The following EYS variants were observed in gnomAD, a reference collection of about 807,000 sequenced individuals.
EYS encodes protein eyes shut homolog.
In EYS, 250 loss-of-function variants were observed where a neutral mutation model predicts 282.1. That is an observed-to-expected ratio of 0.89 (90% confidence interval 0.80 to 0.98). The LOEUF (loss-of-function observed/expected upper bound fraction) is 0.98. Among genes scored for constraint, EYS ranks in the 50% least tolerant of loss-of-function variants. The pLI is 0.00. For synonymous variants in EYS, 1,355 were observed against 1,282.9 expected (o/e 1.06, Z -1.20); for missense variants, 4,016 against 3,709.0 (o/e 1.08, Z -2.15).
chr6:64,463,984 C>T (rs1007303199), intron 26 of EYS, among the ~76,000 whole-genome samples: 1 of 152,074 alleles, frequency 6.6e-6, no homozygotes, highest in Non-Finnish European at 1.5e-5. Flanking sequence ...GATAAGGTCA[C>T]AACAAAAAGA....
intron 24 of EYS, among the ~76,000 whole-genome samples, chr6:64,602,722 T>C (rs1485785939): frequency 2.0e-5 from 3 of 152,090 alleles, no homozygotes; most frequent in Non-Finnish European, 1.5e-5. Flanking sequence ...CTATCCCATT[T>C]AAACATGCAT....
chr6:64,688,908 C>A (rs1329492215), intron 22 of EYS, among the ~76,000 whole-genome samples: 1 of 151,760 alleles, frequency 6.6e-6, no homozygotes, highest in Non-Finnish European at 1.5e-5. Context: ...TGAAAACTGG[C>A]ACAAGACAGT....
intron 27 of EYS, among the ~76,000 whole-genome samples, chr6:64,436,589 A>G (rs903564997): frequency 6.6e-6 from 1 of 151,910 alleles, no homozygotes; most frequent in Non-Finnish European, 1.5e-5. Flanking sequence ...GTATTTTAGG[A>G]ATTTTCCTTA....
At chr6:63,769,520 A>T (rs2149660022) in intron 40 of EYS, among the ~76,000 whole-genome samples, 1 of 152,254 alleles carries the variant, frequency 6.6e-6, no homozygotes, top group South Asian at 2.1e-4. Context: ...TTGTCAGTAC[A>T]AGGAAAAATT....
rs1406087030 is a variant in EYS at position 63,762,505 on chromosome 6, G to T, written c.8027C>A (p.Thr2676Asn). The change falls in exon 41 of 43, where the codon ACC becomes AAC. Residue 2676 changes from threonine (T) to asparagine (N), a missense_variant. Coordinates refer to ENST00000503581, the MANE Select transcript of EYS (RefSeq NM_001142800.2). ...AGTGGTTCCTAGAGGACAGAAACAG[G>T]TGTATCCATGAGGTAATGAAATGCA... The part of the protein sequence containing the change: ...ATCISLPHGY[T>N]CFCPLGTTGI... 1 of 1,550,242 alleles carries T rather than the reference G, an allele frequency of 6.5e-7. No homozygotes were observed. Among genetic ancestry groups the T allele is most frequent in the East Asian group, 2.4e-5 (1 of 40,876 alleles).
At chr6:64,082,335 G>A (rs1038249192) in intron 31 of EYS, among the ~76,000 whole-genome samples, 6 of 151,996 alleles carry the variant, frequency 3.9e-5, no homozygotes, top group East Asian at 1.9e-4. Flanking sequence ...ATTCTTTTGC[G>A]ATATTTTGTG....
chr6:65,383,200 T>G (rs1310108249), intron 8 of EYS, among the ~76,000 whole-genome samples: 1 of 152,018 alleles, frequency 6.6e-6, no homozygotes, highest in Non-Finnish European at 1.5e-5. Flanking sequence ...TCATAAATAT[T>G]TTATAACTTT....
intron 31 of EYS, among the ~76,000 whole-genome samples, chr6:64,134,153 C>G (rs1189778334): frequency 6.6e-6 from 1 of 152,020 alleles, no homozygotes; most frequent in African/African-American, 2.4e-5. Flanking sequence ...CTTGGGCTTT[C>G]CAGTCCATGA....
chr6:64,225,334 G>A (rs904862004), intron 31 of EYS, among the ~76,000 whole-genome samples: 3 of 151,898 alleles, frequency 2.0e-5, no homozygotes, highest in Admixed American at 6.6e-5. Context: ...CCTGGAAACT[G>A]TGCCTATTCC....
intron 29 of EYS, among the ~76,000 whole-genome samples, chr6:64,357,569 T>C (rs922427895): frequency 7.9e-5 from 12 of 151,708 alleles, no homozygotes; most frequent in African/African-American, 2.9e-4. Flanking sequence ...TAAAGGGATG[T>C]GTGTGAACGA....
intron 12 of EYS, among the ~76,000 whole-genome samples, chr6:65,243,725 G>A (rs927525393): frequency 2.0e-5 from 3 of 151,782 alleles, no homozygotes; most frequent in East Asian, 1.9e-4. Context: ...TCAACATAGC[G>A]AGACCCCCAT....
At position 65,603,936 on chromosome 6, in the gene EYS, T is replaced by C. The variant is rs540668570; in HGVS notation, c.-333+35842A>G. 3.3e-5 allele frequency among the ~76,000 whole-genome samples: 5 copies of C among 152,138 alleles called. No individual in the cohort carries two copies. In the South Asian group the frequency reaches 8.3e-4, roughly 25 times the overall value. On this transcript the variant is annotated intron_variant, in intron 2 of 42. Coordinates refer to ENST00000503581, the MANE Select transcript of EYS (RefSeq NM_001142800.2). ...AAATTGTCATACAGAATGTTACCTG[T>C]AAACTTTATCTTTGTTCATGTTTTA...
At chr6:65,560,262 A>T (rs1435267868) in intron 2 of EYS, among the ~76,000 whole-genome samples, 1 of 145,280 alleles carries the variant, frequency 6.9e-6, no homozygotes, top group Non-Finnish European at 1.5e-5. Context: ...TATTATATAT[A>T]ATATATAACA....
At chr6:64,332,963 C>T (rs2150391567) in intron 29 of EYS, among the ~76,000 whole-genome samples, 1 of 152,198 alleles carries the variant, frequency 6.6e-6, no homozygotes. Context: ...ATACTAAAGC[C>T]ATTTATACTT....
chr6:64,418,526 T>A (rs189086546), intron 28 of EYS, among the ~76,000 whole-genome samples: 2 of 152,260 alleles, frequency 1.3e-5, no homozygotes, highest in East Asian at 3.9e-4. Flanking sequence ...TGTGATCAGA[T>A]CACATTAATA....
intron 26 of EYS, among the ~76,000 whole-genome samples, chr6:64,541,773 A>T (rs950956654): frequency 1.3e-5 from 2 of 152,186 alleles, no homozygotes; most frequent in Admixed American, 6.6e-5. Context: ...ATGGGGATTA[A>T]AAATGCCTGC....
chr6:64,981,411 G>C (rs1207455790), intron 14 of EYS, among the ~76,000 whole-genome samples: 1 of 151,110 alleles, frequency 6.6e-6, no homozygotes, highest in Non-Finnish European at 1.5e-5. Flanking sequence ...CCTTCTTTCT[G>C]AACAAATTCA....
chr6:64,310,807 G>C (rs1769664931), intron 29 of EYS, among the ~76,000 whole-genome samples: 1 of 151,970 alleles, frequency 6.6e-6, no homozygotes, highest in Non-Finnish European at 1.5e-5. Context: ...GAGCATATGA[G>C]TGAACAAAAT....
In EYS at chr6:65,297,804, G is replaced by GA. The variant is rs537524712; in HGVS notation, c.1767-1686dup. ...TCTTCTCCCTCCACATACAGAAAAAGAAAAAAAAACCTAGGTAAATTCAAA... is the reference window on the plus strand; with the variant it reads ...TCTTCTCCCTCCACATACAGAAAAAGAAAAAAAAAACCTAGGTAAATTCAAA... On this transcript the variant is annotated intron_variant, in intron 11 of 42. Transcript: ENST00000503581. Among the ~76,000 whole-genome samples, 1,158 of 150,512 alleles carry GA rather than the reference G, an allele frequency of 7.7e-3. 12 individuals carry two copies. Among genetic ancestry groups the GA allele is most frequent in the Admixed American group, 0.012 (187 of 15,154 alleles).
Sources: allele counts gnomAD v4.1 joint callset (sites outside exome capture counted in the v4.1 genomes callset), GRCh38; gene constraint gnomAD v4.1.1; transcripts MANE v1.5; gene names NCBI Gene and HGNC (gene_info 2026-07-23, HGNC 2026-07-21).